The following NTM variants were observed in gnomAD, a reference collection of about 807,000 sequenced individuals.
The protein encoded by NTM is IgLON family member 2.
In NTM, 13 loss-of-function variants were observed where a neutral mutation model predicts 42.1. The observed-to-expected ratio is 0.31, with a 90% CI of 0.20 to 0.49. The LOEUF (loss-of-function observed/expected upper bound fraction) is 0.49, where lower values mean the gene tolerates loss of function less well. NTM is among the 20% of genes least tolerant of loss of function. The pLI, the probability that NTM is intolerant of heterozygous loss-of-function variation, is 0.99. For missense variants in NTM, 373 were observed against 452.8 expected (o/e 0.82, Z 1.60); for synonymous variants, 187 against 179.2 (o/e 1.04, Z -0.35).
intron 1 of NTM, 169 bp from the exon 2 acceptor site, chr11:131,911,395 G>T (rs2054942837): frequency 1.3e-6 from 2 of 1,588,414 alleles, no homozygotes; most frequent in African/African-American, 1.3e-5. Flanking sequence ...CCCCGCGCTC[G>T]CTCCGCACCC....
chr11:131,388,626 G>A (rs1026942163), intron 1 of NTM, among the ~76,000 whole-genome samples: 6 of 151,942 alleles, frequency 3.9e-5, no homozygotes, highest in African/African-American at 1.5e-4. Flanking sequence ...AGTTGGCAGG[G>A]AAGAAAAAGA....
intron 1 of NTM, among the ~76,000 whole-genome samples, chr11:131,664,051 G>A (rs571218913): frequency 1.2e-4 from 18 of 152,318 alleles, no homozygotes; most frequent in African/African-American, 4.3e-4. Flanking sequence ...CCCTGGGCTC[G>A]CTCCCCTCTA....
chr11:132,271,306 C>A (rs141146542), intron 4 of NTM, among the ~76,000 whole-genome samples: 1 of 152,136 alleles, frequency 6.6e-6, no homozygotes, highest in Non-Finnish European at 1.5e-5. Context: ...AGTGGATGGA[C>A]ATTTGGGTTG....
At chr11:131,999,483 C>T (rs1003087193) in intron 2 of NTM, among the ~76,000 whole-genome samples, 2 of 152,190 alleles carry the variant, frequency 1.3e-5, no homozygotes, top group Non-Finnish European at 2.9e-5. Context: ...TAGGAGAAGG[C>T]ATTAGCCTGA....
intron 2 of NTM, among the ~76,000 whole-genome samples, chr11:132,108,681 T>TA (rs1325339310): frequency 4.6e-5 from 7 of 151,958 alleles, no homozygotes; most frequent in African/African-American, 1.5e-4. Flanking sequence ...CCTATTGAAA[T>TA]AAAAAATTTA....
At chr11:132,169,494 C>A (rs143080447) in intron 3 of NTM, among the ~76,000 whole-genome samples, 8 of 151,300 alleles carry the variant, frequency 5.3e-5, no homozygotes, top group African/African-American at 1.9e-4. Context: ...CACCTCCACG[C>A]CTGGCTAAGT....
intron 3 of NTM, among the ~76,000 whole-genome samples, chr11:132,159,225 C>T (rs1404572151): frequency 2.6e-5 from 4 of 152,080 alleles, no homozygotes; most frequent in Admixed American, 1.3e-4. Context: ...TTAGAGCAGC[C>T]GATCCATGGC....
chr11:131,398,523 T>C (rs1288912527), intron 1 of NTM, among the ~76,000 whole-genome samples: 2 of 152,242 alleles, frequency 1.3e-5, no homozygotes, highest in Non-Finnish European at 2.9e-5. Context: ...TGTCGTTACA[T>C]AGTATTAGTG....
At chr11:131,755,251 GT>G (rs1343751887) in intron 1 of NTM, among the ~76,000 whole-genome samples, 1 of 152,184 alleles carries the variant, frequency 6.6e-6, no homozygotes, top group Non-Finnish European at 1.5e-5. Flanking sequence ...CAAGTTTTGA[GT>G]GTGTATGTAT....
chr11:132,032,193 G>A (rs1250785154), intron 2 of NTM, among the ~76,000 whole-genome samples: 1 of 152,110 alleles, frequency 6.6e-6, no homozygotes, highest in African/African-American at 2.4e-5. Flanking sequence ...CTCTTCTGAA[G>A]CCCTCTCCCA....
At chr11:131,861,380 C>G (rs1424727374) in intron 1 of NTM, among the ~76,000 whole-genome samples, 1 of 152,312 alleles carries the variant, frequency 6.6e-6, no homozygotes, top group Non-Finnish European at 1.5e-5. Flanking sequence ...GCCCCTCCCC[C>G]TCCCTGGGAT....
chr11:132,064,688 C>T (rs2081176905), intron 2 of NTM, among the ~76,000 whole-genome samples: 1 of 152,154 alleles, frequency 6.6e-6, no homozygotes, highest in Admixed American at 6.5e-5. Context: ...GCCAGAGTAG[C>T]AGGCAGAGAA....
chr11:132,135,467 T>C (rs954063926), intron 2 of NTM, among the ~76,000 whole-genome samples: 7 of 152,314 alleles, frequency 4.6e-5, no homozygotes, highest in African/African-American at 1.7e-4. Flanking sequence ...TCATGACTTA[T>C]TAGGGAAGTG....
intron 1 of NTM, among the ~76,000 whole-genome samples, chr11:131,380,837 G>A (rs1314984490): frequency 6.6e-6 from 1 of 152,162 alleles, no homozygotes; most frequent in Non-Finnish European, 1.5e-5. Context: ...TCGTTTGCCT[G>A]AGTTGTTTCA....
intron 1 of NTM, among the ~76,000 whole-genome samples, chr11:131,737,637 C>T (rs1263510575): frequency 6.6e-6 from 1 of 152,154 alleles, no homozygotes; most frequent in Non-Finnish European, 1.5e-5. Flanking sequence ...AATGTCCGTG[C>T]TCTCTGCTCC....
intron 4 of NTM, among the ~76,000 whole-genome samples, chr11:132,258,039 C>T (rs1347289634): frequency 6.6e-6 from 1 of 152,236 alleles, no homozygotes; most frequent in Admixed American, 6.5e-5. Flanking sequence ...GCTGCTGGGG[C>T]ATTTCTAACA....
At chr11:131,571,073 A>G (rs2057398940) in intron 1 of NTM, among the ~76,000 whole-genome samples, 1 of 152,226 alleles carries the variant, frequency 6.6e-6, no homozygotes, top group Non-Finnish European at 1.5e-5. Context: ...GGCCTCGGGC[A>G]AGTCACTTAG....
intron 2 of NTM, among the ~76,000 whole-genome samples, chr11:131,923,715 C>G (rs2057546365): frequency 6.6e-6 from 1 of 152,204 alleles, no homozygotes; most frequent in Non-Finnish European, 1.5e-5. Context: ...AGCTAGAAAT[C>G]AGGCTGTGAG....
intron 3 of NTM, among the ~76,000 whole-genome samples, chr11:132,211,064 G>C (rs2082751747): frequency 6.6e-6 from 1 of 152,152 alleles, no homozygotes; most frequent in Non-Finnish European, 1.5e-5. Context: ...GTCAATTTGA[G>C]ATGTCCAAAA....
Sources: gnomAD v4.1 joint callset for allele counts (sites outside exome capture counted in the v4.1 genomes callset) on GRCh38, gnomAD v4.1.1 for gene constraint, MANE v1.5 for transcripts, NCBI Gene and HGNC (gene_info 2026-07-23, HGNC 2026-07-21) for gene names.